The following SLC25A48 variants were observed in gnomAD, a reference collection of about 807,000 sequenced individuals.
The protein encoded by SLC25A48 is CTC-321K16.1.
SLC25A48 carries 29 observed loss-of-function variants against 32.2 expected under a neutral mutation model. That is an observed-to-expected ratio of 0.90 (90% CI 0.67 to 1.23). The LOEUF is 1.23. SLC25A48 is among the 50% of genes most tolerant of loss of function. The pLI is 0.00. For synonymous variants in SLC25A48, 164 were observed against 172.3 expected (o/e 0.95, Z 0.38); for missense variants, 399 against 422.7 (o/e 0.94, Z 0.49).
At chr5:135,664,313 A>G (rs1344422595) in intron 3 of SLC25A48, among the ~76,000 whole-genome samples, 1 of 152,204 alleles carries the variant, frequency 6.6e-6, no homozygotes, top group Non-Finnish European at 1.5e-5. Context: ...AAGTTCCCAT[A>G]TCTCTTGGGC....
At chr5:135,681,282 T>C (rs1248313731) in intron 3 of SLC25A48, among the ~76,000 whole-genome samples, 1 of 152,208 alleles carries the variant, frequency 6.6e-6, no homozygotes, top group Non-Finnish European at 1.5e-5. Context: ...CTGTGTTTCA[T>C]TTATAATAGT....
chr5:135,856,832 C>G (rs1035060398), intron 4 of SLC25A48, among the ~76,000 whole-genome samples: 2 of 152,204 alleles, frequency 1.3e-5, no homozygotes, highest in Admixed American at 6.5e-5. Context: ...GGCTGAGAAC[C>G]CAGGCATCCA....
chr5:135,811,003 C>T (rs1757578552), intron 3 of SLC25A48, among the ~76,000 whole-genome samples: 1 of 152,178 alleles, frequency 6.6e-6, no homozygotes, highest in African/African-American at 2.4e-5. Flanking sequence ...GGACGATGAT[C>T]GGCTGCTCCC....
At chr5:135,617,923 C>T (rs1009717344) in intron 1 of SLC25A48, among the ~76,000 whole-genome samples, 6 of 151,912 alleles carry the variant, frequency 3.9e-5, no homozygotes, top group Non-Finnish European at 5.9e-5. Flanking sequence ...CTTTAAATTT[C>T]TCTTGGCTCC....
At chr5:135,862,830 T>C (rs1386352345) in intron 4 of SLC25A48, among the ~76,000 whole-genome samples, 1 of 151,956 alleles carries the variant, frequency 6.6e-6, no homozygotes, top group Non-Finnish European at 1.5e-5. Flanking sequence ...AATGCAGGGA[T>C]GGTGGGGGTT....
chr5:135,885,283 A>G (rs948929667), intron 7 of SLC25A48, among the ~76,000 whole-genome samples: 1 of 152,008 alleles, frequency 6.6e-6, no homozygotes, highest in Non-Finnish European at 1.5e-5. Context: ...CAGGCATACA[A>G]TGGGCATTTA....
Position 135,820,618 on chromosome 5 carries a change from A to G in SLC25A48, c.-117+7692A>G, listed in dbSNP as rs79658166. Among the ~76,000 whole-genome samples, 489 of 152,236 alleles carry G rather than the reference A, an allele frequency of 3.2e-3. 6 individuals carry two copies. Among genetic ancestry groups the G allele is most frequent in the East Asian group, 0.013 (67 of 5,186 alleles). On this transcript the variant is annotated intron_variant, in intron 4 of 10. Transcript: ENST00000646290. ...TATTGGTACAAAGAGAGACAAAGAG[A>G]TGGATAAAAAAAATCATAAAAATGG... is the stretch of plus-strand genomic sequence containing the variant.
At chr5:135,757,489 CTA>C (rs1432575994) in intron 3 of SLC25A48, among the ~76,000 whole-genome samples, 42 of 148,666 alleles carry the variant, frequency 2.8e-4, no homozygotes, top group African/African-American at 9.8e-4. Flanking sequence ...AAAATATCAT[CTA>C]TATGATATTT....
At chr5:135,807,149 G>C (rs996213193) in intron 3 of SLC25A48, among the ~76,000 whole-genome samples, 2 of 150,338 alleles carry the variant, frequency 1.3e-5, no homozygotes, top group Non-Finnish European at 3.0e-5. Context: ...GAATATCATA[G>C]TGTGTTTACA....
Position 135,882,708 on chromosome 5 carries a change from T to C in SLC25A48, c.*7+2611T>C, listed in dbSNP as rs371176536. ...ACTTACCAGTGGCTGGCTCTCAGAC[T>C]TGTCTGTGGCTCATGAATCCAACTC... On this transcript the variant is annotated intron_variant, in intron 7 of 7. Coordinates refer to ENST00000681962, the MANE Select transcript of SLC25A48 (RefSeq NM_001349336.2). Among the ~76,000 whole-genome samples the C allele has an allele frequency of 7.0e-4, 107 of 152,218 alleles. No individual in the cohort carries two copies. The Middle Eastern group carries it at 0.014, about 19-fold the overall frequency.
At chr5:135,587,552 T>C (rs377717763) in intron 1 of SLC25A48, among the ~76,000 whole-genome samples, 2 of 152,184 alleles carry the variant, frequency 1.3e-5, no homozygotes, top group African/African-American at 4.8e-5. Context: ...TTGTGACTAA[T>C]TTGCTTTTAA....
intron 3 of SLC25A48, among the ~76,000 whole-genome samples, chr5:135,715,335 G>T (rs931745769): frequency 1.3e-5 from 2 of 152,178 alleles, no homozygotes; most frequent in Non-Finnish European, 2.9e-5. Flanking sequence ...GAAGTGAGTG[G>T]GGACTTCATT....
intron 1 of SLC25A48, among the ~76,000 whole-genome samples, chr5:135,621,653 G>C (rs1039127765): frequency 6.6e-6 from 1 of 151,968 alleles, no homozygotes; most frequent in Non-Finnish European, 1.5e-5. Context: ...GGTAAGGAAG[G>C]GTTATTTGAT....
intron 1 of SLC25A48, among the ~76,000 whole-genome samples, chr5:135,612,212 G>T (rs1182389947): frequency 1.3e-5 from 2 of 152,170 alleles, no homozygotes; most frequent in African/African-American, 4.8e-5. Context: ...TGAATTGGTG[G>T]AAAAGAATAC....
chr5:135,814,762 C>T (rs1757675050), intron 4 of SLC25A48, among the ~76,000 whole-genome samples: 1 of 152,234 alleles, frequency 6.6e-6, no homozygotes, highest in African/African-American at 2.4e-5. Flanking sequence ...TTCCTTGGCA[C>T]AGTTCCTGGT....
intron 1 of SLC25A48, among the ~76,000 whole-genome samples, chr5:135,617,713 A>C (rs1231649419): frequency 1.3e-5 from 2 of 151,630 alleles, no homozygotes; most frequent in African/African-American, 2.4e-5. Flanking sequence ...TCCTTGACCC[A>C]GTGGTCATTC....
chr5:135,590,023 T>G (rs1001015331), intron 1 of SLC25A48, among the ~76,000 whole-genome samples: 2 of 152,192 alleles, frequency 1.3e-5, no homozygotes, highest in Non-Finnish European at 2.9e-5. Flanking sequence ...TCTATTGGTT[T>G]TCATTATGAG....
At chr5:135,763,731 G>A (rs1329137273) in intron 3 of SLC25A48, among the ~76,000 whole-genome samples, 4 of 146,876 alleles carry the variant, frequency 2.7e-5, no homozygotes, top group African/African-American at 1.0e-4. Context: ...TCCAAGCAGT[G>A]CTTAGGAAAC....
At chr5:135,636,295 A>G (rs1169476046) in intron 3 of SLC25A48, among the ~76,000 whole-genome samples, 6 of 152,310 alleles carry the variant, frequency 3.9e-5, no homozygotes, top group Admixed American at 2.6e-4. Context: ...TTGGTGGCTC[A>G]CTGTTTAATG....
Sources: gnomAD v4.1 joint callset for allele counts (sites outside exome capture counted in the v4.1 genomes callset) on GRCh38, gnomAD v4.1.1 for gene constraint, MANE v1.5 for transcripts, NCBI Gene and HGNC (gene_info 2026-07-23, HGNC 2026-07-21) for gene names.